SYNDIG1L: variants seen among roughly 807,000 people sequenced by gnomAD.
SYNDIG1L encodes the protein synapse differentiation-inducing gene protein 1-like.
A neutral mutation model predicts 20.1 loss-of-function variants in SYNDIG1L; 13 were observed. The ratio of observed to expected loss-of-function variants is 0.65; its 90% CI spans 0.42 to 1.03. The LOEUF (loss-of-function observed/expected upper bound fraction) is 1.03, where lower values mean the gene tolerates loss of function less well. Ranked by LOEUF, SYNDIG1L falls within the 50% of genes least tolerant of loss-of-function variation. The pLI is 0.00. For missense variants in SYNDIG1L, 294 were observed against 305.1 expected (o/e 0.96, Z 0.27); for synonymous variants, 128 against 129.3 (o/e 0.99, Z 0.07).
At chr14:74,415,859 G>A (rs960231440) in intron 1 of SYNDIG1L, among the ~76,000 whole-genome samples, 3 of 152,146 alleles carry the variant, frequency 2.0e-5, no homozygotes, top group Admixed American at 2.0e-4. Flanking sequence ...ATAGAAAAAG[G>A]AATATAGAAT....
At chr14:74,416,204 T>G (rs1015659193) in intron 1 of SYNDIG1L, among the ~76,000 whole-genome samples, 1 of 152,180 alleles carries the variant, frequency 6.6e-6, no homozygotes, top group African/African-American at 2.4e-5. Flanking sequence ...TATATTTTCT[T>G]TTTCCACATG....
the SYNDIG1L span, among the ~76,000 whole-genome samples, chr14:74,478,969 T>A: frequency 6.6e-6 from 1 of 152,156 alleles, no homozygotes; most frequent in African/African-American, 2.4e-5. Context: ...GTCCTGTTAA[T>A]TGTTGGTGCC....
At chr14:74,445,489 T>TG in the SYNDIG1L span, among the ~76,000 whole-genome samples, 2 of 143,130 alleles carry the variant, frequency 1.4e-5, no homozygotes, top group African/African-American at 5.2e-5. Flanking sequence ...TGTGTGTGTG[T>TG]TTTGAGACGG....
chr14:74,431,390 G>T, the SYNDIG1L span, among the ~76,000 whole-genome samples: 1 of 152,090 alleles, frequency 6.6e-6, no homozygotes, highest in Non-Finnish European at 1.5e-5. Context: ...AAGGCAAAAG[G>T]TTATTGGTAC....
chr14:74,420,368 G>A (rs944346862), intron 1 of SYNDIG1L, among the ~76,000 whole-genome samples: 1 of 145,414 alleles, frequency 6.9e-6, no homozygotes. Context: ...CCACCAGCCT[G>A]TGTGACAGAG....
chr14:74,476,791 T>C, the SYNDIG1L span, among the ~76,000 whole-genome samples: 1 of 152,060 alleles, frequency 6.6e-6, no homozygotes, highest in Admixed American at 6.6e-5. Flanking sequence ...CCCATAGCAA[T>C]GGGCCTTTTA....
At position 74,418,003 on chromosome 14, in the gene SYNDIG1L, TGA is replaced by T. The variant is rs2086190597; in HGVS notation, c.-58+7907_-58+7908del. Reference sequence around the variant, plus strand: ...GCAACAAGAGAGATTGCTTTTAAACTGAGAGATAAAAACCAGAACTTCCTAAT... The same window carrying T: ...GCAACAAGAGAGATTGCTTTTAAACTGAGATAAAAACCAGAACTTCCTAAT... On this transcript the variant is annotated intron_variant, in intron 1 of 3. Coordinates refer to ENST00000331628, the MANE Select transcript of SYNDIG1L (RefSeq NM_001105579.2). 3.9e-5 allele frequency among the ~76,000 whole-genome samples: 6 copies of T among 152,284 alleles called. No individual in the cohort carries two copies. The South Asian group carries it at 1.2e-3, about 32-fold the overall frequency.
At position 74,407,856 on chromosome 14, in the gene SYNDIG1L, G is replaced by A. The variant is rs778506283; in HGVS notation, c.551C>T (p.Ser184Phe). ...GGCCCCAGGTGCTCTTACCCCCTGG[G>A]AGAAGTAGAAGGCAGCAATGCCCAG... ...WPLGIAAFYF[S>F]QGTSKAISKG... The change falls in exon 3 of 4, where the codon TCC (serine) becomes TTC (phenylalanine). Residue 184 changes from serine (S) to phenylalanine (F), a missense_variant. Ser to Phe is a radical substitution (Grantham distance 155, BLOSUM62 -2). Coordinates refer to ENST00000331628, the MANE Select transcript of SYNDIG1L (RefSeq NM_001105579.2). 2 of 1,612,780 alleles carry A rather than the reference G, an allele frequency of 1.2e-6. No homozygotes were observed. The highest frequency in any genetic ancestry group is 3.3e-5 in the Admixed American group (2 of 59,846).
At chr14:74,431,185 C>T (rs141983111), upstream of SYNDIG1L, among the ~76,000 whole-genome samples, 50 of 152,174 alleles carry the variant, frequency 3.3e-4, no homozygotes, top group East Asian at 9.1e-3. Context: ...GAGCTAAGAC[C>T]AGGACCCAGG....
In SYNDIG1L at chr14:74,407,512, C is replaced by A; in HGVS notation, c.*23G>T. 6.2e-7 allele frequency: 1 copy of A among 1,612,804 alleles called. No individual in the cohort carries two copies. ...TGCTTCCTCAGGTGGGCAGGGGAGT[C>A]AGGATGCAGGCCCTACTGGCTACTA... On this transcript the variant is annotated 3_prime_UTR_variant, in exon 4 of 4. Coordinates refer to ENST00000331628, the MANE Select transcript of SYNDIG1L (RefSeq NM_001105579.2).
At chr14:74,479,266 G>A in the SYNDIG1L span, 1 of 152,184 alleles carries the variant, frequency 6.6e-6, no homozygotes, top group African/African-American at 2.4e-5. Context: ...AAATCCAAGG[G>A]TCTAGTGAAA....
chr14:74,433,763 T>C, the SYNDIG1L span, among the ~76,000 whole-genome samples: 36 of 152,262 alleles, frequency 2.4e-4, no homozygotes, highest in South Asian at 2.9e-3. Context: ...CTGGGACATA[T>C]AATTTACCCA....
chr14:74,442,616 ATTTGCT>A, the SYNDIG1L span, among the ~76,000 whole-genome samples: 1 of 152,206 alleles, frequency 6.6e-6, no homozygotes, highest in African/African-American at 2.4e-5. Flanking sequence ...ATATTATCAG[ATTTGCT>A]TTTAGAAGAG....
the SYNDIG1L span, among the ~76,000 whole-genome samples, chr14:74,471,234 T>G: frequency 6.6e-6 from 1 of 152,184 alleles, no homozygotes; most frequent in Non-Finnish European, 1.5e-5. Flanking sequence ...CTCGATCCTC[T>G]GCAGAGAGAC....
chr14:74,458,828 T>C, the SYNDIG1L span, among the ~76,000 whole-genome samples: 2 of 152,058 alleles, frequency 1.3e-5, no homozygotes, highest in Non-Finnish European at 1.5e-5. Flanking sequence ...CCCCATTCTG[T>C]GGGTAAGGAG....
chr14:74,435,265 T>G, the SYNDIG1L span, among the ~76,000 whole-genome samples: 1 of 152,110 alleles, frequency 6.6e-6, no homozygotes, highest in African/African-American at 2.4e-5. Context: ...TTCAATTCAA[T>G]CAGCCAATAC....
At chr14:74,457,886 C>A in the SYNDIG1L span, among the ~76,000 whole-genome samples, 1 of 152,252 alleles carries the variant, frequency 6.6e-6, no homozygotes, top group African/African-American at 2.4e-5. Context: ...CAGCCTCAAT[C>A]TTGTGAGCTC....
the SYNDIG1L span, among the ~76,000 whole-genome samples, chr14:74,453,426 A>G: frequency 7.0e-6 from 1 of 142,676 alleles, no homozygotes; most frequent in African/African-American, 2.5e-5. Flanking sequence ...GGGCAGGGAG[A>G]GGAGGAGTAA....
chr14:74,479,888 T>C, the SYNDIG1L span: 6 of 996,438 alleles, frequency 6.0e-6, no homozygotes, highest in Non-Finnish European at 7.8e-6. Flanking sequence ...CTGCCTTCCA[T>C]GGTTCTAGCA....
Sources: allele counts gnomAD v4.1 joint callset (sites outside exome capture counted in the v4.1 genomes callset), GRCh38; gene constraint gnomAD v4.1.1; transcripts MANE v1.5; gene names NCBI Gene and HGNC (gene_info 2026-07-23, HGNC 2026-07-21).